AMBRA1: variants seen among roughly 807,000 people sequenced by gnomAD.
AMBRA1 encodes the protein activating molecule in BECN1-regulated autophagy protein 1.
Under a neutral mutation model 125.4 loss-of-function variants are expected in AMBRA1, and 47 were observed. The observed-to-expected ratio is 0.37, with a 90% CI of 0.30 to 0.48. The LOEUF is 0.48. Ranked by LOEUF, AMBRA1 falls within the 20% of genes least tolerant of loss-of-function variation. AMBRA1 has a pLI of 0.99. For missense variants in AMBRA1, 1,331 were observed against 1,693.4 expected, an observed-to-expected ratio of 0.79 and a Z score of 3.76; for synonymous variants, 626 against 655.5, an observed-to-expected ratio of 0.95 and a Z score of 0.69.
At chr11:46,491,197 C>G (rs1228190589) in intron 11 of AMBRA1, 2 of 152,146 alleles carry the variant, frequency 1.3e-5, no homozygotes, top group Non-Finnish European at 2.9e-5. Context: ...GGAGCTCTCT[C>G]CCTCTTATAA....
chr11:46,522,452 CT>C (rs918173900), intron 7 of AMBRA1, among the ~76,000 whole-genome samples: 11 of 151,404 alleles, frequency 7.3e-5, no homozygotes, highest in Non-Finnish European at 1.2e-4. Flanking sequence ...AGACCACAGA[CT>C]TTTTTTTTAA....
chr11:46,550,319 C>T (rs1033422350), intron 1 of AMBRA1, among the ~76,000 whole-genome samples: 4 of 152,162 alleles, frequency 2.6e-5, no homozygotes, highest in African/African-American at 9.7e-5. Flanking sequence ...TGCCTATATA[C>T]CTCAAGGTGG....
chr11:46,412,736 G>T (rs1207966267), intron 15 of AMBRA1, among the ~76,000 whole-genome samples: 1 of 152,132 alleles, frequency 6.6e-6, no homozygotes, highest in African/African-American at 2.4e-5. Flanking sequence ...GTGGGGTTTG[G>T]GGATTGTCTG....
chr11:46,537,657 C>A (rs1952542565), intron 7 of AMBRA1, among the ~76,000 whole-genome samples: 2 of 152,152 alleles, frequency 1.3e-5, no homozygotes, highest in South Asian at 4.1e-4. Context: ...AGTTTGCCCT[C>A]CACTGCCCAC....
At chr11:46,551,747 G>A (rs371439180) in intron 1 of AMBRA1, among the ~76,000 whole-genome samples, 1 of 151,656 alleles carries the variant, frequency 6.6e-6, no homozygotes, top group Non-Finnish European at 1.5e-5. Flanking sequence ...CAAAAATTAG[G>A]CCAGGTGCAG....
chr11:46,426,219 C>A (rs997156902), intron 14 of AMBRA1, among the ~76,000 whole-genome samples: 1 of 152,014 alleles, frequency 6.6e-6, no homozygotes, highest in African/African-American at 2.4e-5. Flanking sequence ...GGTGCACATG[C>A]GTGGACATGC....
rs538437911 is a variant in AMBRA1 at position 46,576,640 on chromosome 11, C to T, written c.-121+17188G>A. 4.2e-4 allele frequency among the ~76,000 whole-genome samples: 64 copies of T among 152,276 alleles called. No homozygotes were observed. In the South Asian group the frequency reaches 0.013, roughly 31 times the overall value. On this transcript the variant is annotated intron_variant, in intron 1 of 17. Coordinates refer to ENST00000683756, the MANE Select transcript of AMBRA1 (RefSeq NM_001387011.1). ...GAAGTTCTTTCTAACATGTAATCTACATCCTTTATGTTGCAATTAAAACAC... is the reference window on the plus strand; with the variant it reads ...GAAGTTCTTTCTAACATGTAATCTATATCCTTTATGTTGCAATTAAAACAC...
chr11:46,593,911 G>C lies in AMBRA1; in HGVS notation c.-204C>G, dbSNP rs2044695998. 1 of 398,510 alleles carries C rather than the reference G, an allele frequency of 2.5e-6. No individual in the cohort carries two copies. The highest frequency in any genetic ancestry group is 4.4e-5 in the Admixed American group (1 of 22,716). The allele number at this position is 398,510 out of a possible 1,614,324, so 24.7% of individuals were successfully genotyped here. ...AAAGAAAGAGGAGACAGGAATAAAG[G>C]AAGGGGTCCGTTCTACCGACCGGCA... On this transcript the variant is annotated 5_prime_UTR_variant, in exon 1 of 18. Transcript: ENST00000683756.
At chr11:46,505,421 C>G (rs1361850063) in intron 9 of AMBRA1, among the ~76,000 whole-genome samples, 2 of 152,124 alleles carry the variant, frequency 1.3e-5, no homozygotes, top group African/African-American at 2.4e-5. Flanking sequence ...CAGTAACATC[C>G]TTTACTAGAA....
intron 1 of AMBRA1, among the ~76,000 whole-genome samples, chr11:46,575,921 T>C (rs1260033887): frequency 1.3e-5 from 2 of 152,290 alleles, no homozygotes; most frequent in Middle Eastern, 3.4e-3. Context: ...TAAGAATCCA[T>C]TGCCGTGGTC....
At chr11:46,407,555 C>T (rs1946084909) in intron 17 of AMBRA1, among the ~76,000 whole-genome samples, 1 of 152,232 alleles carries the variant, frequency 6.6e-6, no homozygotes, top group Non-Finnish European at 1.5e-5. Context: ...ATGGCCCCAG[C>T]GAGGGGCTTC....
chr11:46,452,983 C>T (rs1024233222), intron 11 of AMBRA1, among the ~76,000 whole-genome samples: 4 of 152,150 alleles, frequency 2.6e-5, no homozygotes, highest in East Asian at 1.9e-4. Context: ...TTAGCATATC[C>T]GCACAGTTAT....
chr11:46,478,831 A>T (rs1306428223), intron 11 of AMBRA1, among the ~76,000 whole-genome samples: 1 of 151,852 alleles, frequency 6.6e-6, no homozygotes, highest in Non-Finnish European at 1.5e-5. Flanking sequence ...TATTTCTTGA[A>T]AGTTCTAAAT....
At chr11:46,410,841 G>A (rs1433625907) in intron 15 of AMBRA1, among the ~76,000 whole-genome samples, 1 of 152,222 alleles carries the variant, frequency 6.6e-6, no homozygotes, top group African/African-American at 2.4e-5. Flanking sequence ...AGTGGCTCAC[G>A]CCTGTAATCC....
At chr11:46,479,484 G>T (rs1368149177) in intron 11 of AMBRA1, among the ~76,000 whole-genome samples, 4 of 152,076 alleles carry the variant, frequency 2.6e-5, no homozygotes, top group Non-Finnish European at 5.9e-5. Flanking sequence ...GAACTCTGAG[G>T]TCAGGAGTTT....
intron 10 of AMBRA1, 146 bp from the exon 11 acceptor site, chr11:46,493,854 C>G (rs73467919): frequency 4.4e-6 from 3 of 682,526 alleles, no homozygotes; most frequent in Non-Finnish European, 7.3e-6. Context: ...ATTGGTCCTT[C>G]CGCAGATTTG....
intron 1 of AMBRA1, among the ~76,000 whole-genome samples, chr11:46,553,999 C>T (rs1392615800): frequency 1.1e-4 from 16 of 152,156 alleles, no homozygotes; most frequent in African/African-American, 3.9e-4. Flanking sequence ...AGATTAGGAT[C>T]AGAAATCTAG....
intron 17 of AMBRA1, among the ~76,000 whole-genome samples, chr11:46,398,942 T>G (rs1365309763): frequency 6.6e-6 from 1 of 151,410 alleles, no homozygotes; most frequent in Non-Finnish European, 1.5e-5. Context: ...CCTGGCTCAT[T>G]TTTGTATTTT....
intron 14 of AMBRA1, among the ~76,000 whole-genome samples, chr11:46,419,444 A>C (rs2136655554): frequency 6.6e-6 from 1 of 152,320 alleles, no homozygotes; most frequent in South Asian, 2.1e-4. Context: ...CATTCAAATA[A>C]TTTGGGAGAT....
Sources: allele counts gnomAD v4.1 joint callset (sites outside exome capture counted in the v4.1 genomes callset), GRCh38; gene constraint gnomAD v4.1.1; transcripts MANE v1.5; gene names NCBI Gene and HGNC (gene_info 2026-07-23, HGNC 2026-07-21).